Variants in GATAD2A observed in about 807,000 individuals in gnomAD.
GATAD2A encodes GATA zinc finger domain containing 2A, also known as transcriptional repressor p66-alpha.
In GATAD2A, 12 loss-of-function variants were observed where a neutral mutation model predicts 68.5. The observed-to-expected ratio is 0.18, with a 90% CI of 0.11 to 0.28. The LOEUF is 0.28. GATAD2A is among the 10% of genes least tolerant of loss of function. The pLI is 1.00. For synonymous variants in GATAD2A, 410 were observed against 375.3 expected, an observed-to-expected ratio of 1.09 and a Z score of -1.07; for missense variants, 755 against 868.5, an observed-to-expected ratio of 0.87 and a Z score of 1.64.
At chr19:19,389,417 C>A (rs927719878) in intron 1 of GATAD2A, among the ~76,000 whole-genome samples, 2 of 152,216 alleles carry the variant, frequency 1.3e-5, no homozygotes, top group Admixed American at 1.3e-4. Flanking sequence ...CTCTCCTGTT[C>A]ATTTCCATCT....
At chr19:19,409,391 G>C (rs896833829) in intron 1 of GATAD2A, among the ~76,000 whole-genome samples, 2 of 152,138 alleles carry the variant, frequency 1.3e-5, no homozygotes, top group African/African-American at 4.8e-5. Flanking sequence ...GCATCCCTGG[G>C]ATTTCCTCCT....
chr19:19,464,105 G>A (rs984533582), intron 1 of GATAD2A, among the ~76,000 whole-genome samples: 3 of 152,172 alleles, frequency 2.0e-5, no homozygotes, highest in Non-Finnish European at 4.4e-5. Flanking sequence ...CTTCCCCAGG[G>A]TGTTTGCCAG....
intron 1 of GATAD2A, among the ~76,000 whole-genome samples, chr19:19,397,902 G>C (rs1286642806): frequency 6.6e-6 from 1 of 151,986 alleles, no homozygotes; most frequent in African/African-American, 2.4e-5. Flanking sequence ...TATTTAGTTA[G>C]TTAGTTAGTT....
chr19:19,495,531 A>T (rs2060085373), intron 5 of GATAD2A, among the ~76,000 whole-genome samples: 1 of 150,134 alleles, frequency 6.7e-6, no homozygotes, highest in African/African-American at 2.5e-5. Context: ...CTGGTCTCAA[A>T]CTTCTGACCT....
chr19:19,489,541 T>G (rs1009195905), intron 2 of GATAD2A, among the ~76,000 whole-genome samples: 1 of 152,200 alleles, frequency 6.6e-6, no homozygotes, highest in African/African-American at 2.4e-5. Flanking sequence ...ACATCATCTC[T>G]TGGATGAGTT....
intron 2 of GATAD2A, among the ~76,000 whole-genome samples, chr19:19,487,840 T>C (rs1292659719): frequency 6.6e-6 from 1 of 152,160 alleles, no homozygotes; most frequent in Non-Finnish European, 1.5e-5. Flanking sequence ...CTGGCAGGGC[T>C]GGTGTTGGCT....
At chr19:19,473,978 A>G (rs900860444) in intron 2 of GATAD2A, 15 of 918,084 alleles carry the variant, frequency 1.6e-5, no homozygotes, top group African/African-American at 5.4e-5. Flanking sequence ...TTAACACCCA[A>G]GCCTTCCAAA....
intron 1 of GATAD2A, among the ~76,000 whole-genome samples, chr19:19,393,589 TAAAC>T (rs1483944178): frequency 3.3e-5 from 5 of 152,094 alleles, no homozygotes; most frequent in Non-Finnish European, 7.4e-5. Context: ...TGCAGACAAA[TAAAC>T]AAGCAAATGA....
In GATAD2A at chr19:19,501,162, A is replaced by T; in HGVS notation, c.1249A>T (p.Met417Leu). The T allele has an allele frequency of 6.2e-7, 1 of 1,613,466 alleles. No homozygotes were observed. The highest frequency in any genetic ancestry group is 1.3e-5 in the African/African-American group (1 of 75,064). The change falls in exon 9 of 12, where the codon ATG becomes TTG. Residue 417 changes from methionine to leucine, a missense_variant. Met to Leu is a conservative substitution (Grantham distance 15). Coordinates refer to ENST00000683918, the MANE Select transcript of GATAD2A (RefSeq NM_001384528.1). ...AATVLSREPY[M>L]CAQCKTDFTC... is the part of the protein sequence containing the mutation. ...CACTGTGCTGTCCCGGGAGCCCTACATGTGTGCACAGTGCAAGACGGACTT... is the reference window on the plus strand; with the variant it reads ...CACTGTGCTGTCCCGGGAGCCCTACTTGTGTGCACAGTGCAAGACGGACTT...
chr19:19,492,947 T>C (rs890655891), intron 4 of GATAD2A, among the ~76,000 whole-genome samples: 2 of 151,734 alleles, frequency 1.3e-5, no homozygotes, highest in African/African-American at 4.8e-5. Flanking sequence ...CTCACTTTTT[T>C]TTTTTTTTTT....
chr19:19,433,778 AC>A (rs1222228255), intron 1 of GATAD2A, among the ~76,000 whole-genome samples: 3 of 151,780 alleles, frequency 2.0e-5, no homozygotes, highest in South Asian at 4.2e-4. Context: ...ACCTCCCCAT[AC>A]CCCCCCTTTT....
chr19:19,472,119 A>T (rs2058359093), intron 2 of GATAD2A, among the ~76,000 whole-genome samples: 1 of 152,022 alleles, frequency 6.6e-6, no homozygotes, highest in Admixed American at 6.5e-5. Context: ...CTGGTCCTGA[A>T]CTCCTGATCT....
intron 2 of GATAD2A, among the ~76,000 whole-genome samples, chr19:19,470,752 C>CAA (rs144396337): frequency 1.2e-4 from 17 of 144,814 alleles, no homozygotes; most frequent in Non-Finnish European, 1.4e-4. Flanking sequence ...CTGTAAAAAA[C>CAA]AAAAAAAAAA....
At chr19:19,500,961 G>T (rs1039782003) in intron 8 of GATAD2A, among the ~76,000 whole-genome samples, 157 bp from the exon 9 acceptor site, 3 of 152,346 alleles carry the variant, frequency 2.0e-5, no homozygotes, top group African/African-American at 7.2e-5. Context: ...GTTCGGCGTT[G>T]GCCGGCCCCA....
At chr19:19,469,597 CTG>C (rs1181848767) in intron 2 of GATAD2A, among the ~76,000 whole-genome samples, 7 of 149,462 alleles carry the variant, frequency 4.7e-5, no homozygotes, top group African/African-American at 1.8e-4. Context: ...AATGCAGTAA[CTG>C]TGAAGGATCT....
chr19:19,481,751 C>T (rs1016092830), intron 2 of GATAD2A, among the ~76,000 whole-genome samples: 1 of 152,216 alleles, frequency 6.6e-6, no homozygotes, highest in Non-Finnish European at 1.5e-5. Flanking sequence ...AGGGACTTAG[C>T]TTGTGGATGC....
intron 1 of GATAD2A, among the ~76,000 whole-genome samples, chr19:19,421,762 GGA>G (rs2052445948): frequency 6.6e-6 from 1 of 152,120 alleles, no homozygotes; most frequent in Non-Finnish European, 1.5e-5. Flanking sequence ...AGTCTGCTGA[GGA>G]CCTAGCCTAA....
intron 7 of GATAD2A, among the ~76,000 whole-genome samples, chr19:19,496,970 G>T (rs923489700): frequency 1.3e-5 from 2 of 152,344 alleles, no homozygotes; most frequent in South Asian, 4.1e-4. Context: ...GGTCAGGTTC[G>T]AGTGCAGAGA....
upstream of GATAD2A, among the ~76,000 whole-genome samples, chr19:19,403,850 A>C (rs1188813798): frequency 6.6e-6 from 1 of 152,176 alleles, no homozygotes; most frequent in African/African-American, 2.4e-5. Flanking sequence ...GGTTGCCCTA[A>C]ACCAACCTTG....
Sources: allele counts gnomAD v4.1 joint callset (sites outside exome capture counted in the v4.1 genomes callset), GRCh38; gene constraint gnomAD v4.1.1; transcripts MANE v1.5; gene names NCBI Gene and HGNC (gene_info 2026-07-23, HGNC 2026-07-21).